Variants in HCN1 observed in about 807,000 individuals in gnomAD.
The protein encoded by HCN1 is hyperpolarization activated cyclic nucleotide gated potassium channel 1.
Under a neutral mutation model 78.9 loss-of-function variants are expected in HCN1, and 13 were observed. The ratio of observed to expected loss-of-function variants is 0.16; its 90% CI spans 0.11 to 0.26. HCN1 has a LOEUF of 0.26. Among genes scored for constraint, HCN1 ranks in the 10% least tolerant of loss-of-function variants. HCN1 has a pLI of 1.00. For missense variants in HCN1, 810 were observed against 1,154.3 expected, an observed-to-expected ratio of 0.70 and a Z score of 4.32; for synonymous variants, 552 against 455.5, an observed-to-expected ratio of 1.21 and a Z score of -2.70.
intron 2 of HCN1, among the ~76,000 whole-genome samples, chr5:45,471,012 A>G (rs775798640): frequency 1.1e-4 from 17 of 151,844 alleles, no homozygotes; most frequent in Non-Finnish European, 2.2e-4. Context: ...ATGTTTGACA[A>G]TATCTTTCTG....
At chr5:45,273,630 C>T (rs557649904) in intron 6 of HCN1, among the ~76,000 whole-genome samples, 1 of 152,230 alleles carries the variant, frequency 6.6e-6, no homozygotes, top group Admixed American at 6.5e-5. Context: ...CAAAACTGTA[C>T]TTAGCTTCTC....
intron 2 of HCN1, among the ~76,000 whole-genome samples, chr5:45,540,305 T>A (rs1384734): frequency 0.056 from 8,319 of 149,264 alleles, 300 homozygotes; most frequent in East Asian, 0.15. Flanking sequence ...AATAAAAAAA[T>A]ACTGTCTTAC....
intron 4 of HCN1, among the ~76,000 whole-genome samples, chr5:45,388,451 A>C (rs1747972192): frequency 6.6e-6 from 1 of 152,162 alleles, no homozygotes; most frequent in Non-Finnish European, 1.5e-5. Context: ...ACAGCTTCAA[A>C]CATGCAGACA....
intron 5 of HCN1, among the ~76,000 whole-genome samples, chr5:45,344,516 C>A (rs1487833981): frequency 6.6e-6 from 1 of 152,144 alleles, no homozygotes; most frequent in Non-Finnish European, 1.5e-5. Context: ...AACTCAAAAG[C>A]ACATTACTTA....
chr5:45,644,834 C>G (rs1263180305), intron 2 of HCN1: 4 of 282,434 alleles, frequency 1.4e-5, no homozygotes, highest in African/African-American at 8.8e-5. Flanking sequence ...CCCTACACAT[C>G]TTTATCAAAA....
chr5:45,444,454 T>G (rs1243898934), intron 3 of HCN1, among the ~76,000 whole-genome samples: 2 of 152,146 alleles, frequency 1.3e-5, no homozygotes, highest in Admixed American at 1.3e-4. Flanking sequence ...TTGTTTAGAA[T>G]CTTTATGTAG....
At chr5:45,433,068 C>G (rs1740495663) in intron 3 of HCN1, among the ~76,000 whole-genome samples, 1 of 152,042 alleles carries the variant, frequency 6.6e-6, no homozygotes, top group African/African-American at 2.4e-5. Context: ...CCGCAATTAC[C>G]TCCCACCAGG....
intron 2 of HCN1, among the ~76,000 whole-genome samples, chr5:45,493,704 C>G (rs1741949883): frequency 6.6e-6 from 1 of 151,600 alleles, no homozygotes; most frequent in Admixed American, 6.6e-5. Flanking sequence ...CACCCACTAA[C>G]TCGTCATCTA....
chr5:45,352,737 C>T (rs1292789292), intron 5 of HCN1, among the ~76,000 whole-genome samples: 1 of 151,588 alleles, frequency 6.6e-6, no homozygotes, highest in African/African-American at 2.4e-5. Context: ...TATCAGGGTC[C>T]ATGAGATGAT....
chr5:45,658,702 T>G (rs1745845512), intron 1 of HCN1, among the ~76,000 whole-genome samples: 1 of 151,664 alleles, frequency 6.6e-6, no homozygotes, highest in African/African-American at 2.4e-5. Context: ...GGGACGCACC[T>G]GGAAAATCGG....
intron 2 of HCN1, among the ~76,000 whole-genome samples, chr5:45,626,265 T>C (rs1174717613): frequency 1.3e-5 from 2 of 152,212 alleles, no homozygotes; most frequent in Non-Finnish European, 2.9e-5. Context: ...GCTTCTTTGT[T>C]GAAAATAATT....
At chr5:45,382,287 T>C (rs1164401142) in intron 4 of HCN1, among the ~76,000 whole-genome samples, 1 of 152,178 alleles carries the variant, frequency 6.6e-6, no homozygotes, top group Non-Finnish European at 1.5e-5. Flanking sequence ...TATGCCCTTG[T>C]ATGTTTTAGT....
chr5:45,483,389 T>A (rs972667154), intron 2 of HCN1, among the ~76,000 whole-genome samples: 1 of 152,080 alleles, frequency 6.6e-6, no homozygotes, highest in Non-Finnish European at 1.5e-5. Context: ...TGATGTTGAA[T>A]TTTTTTTCAT....
At position 45,695,761 on chromosome 5, in the gene HCN1, G is replaced by T. The variant is rs1246584538; in HGVS notation, c.333C>A (p.Leu111=). Residue 111 remains leucine (L), a synonymous_variant, in exon 1 of 8, where the codon CTC becomes CTA. Coordinates refer to ENST00000303230, the MANE Select transcript of HCN1 (RefSeq NM_021072.4). ...CCGCCTTCTGGCTCCCAAACATGCGGAGGGAGAATTTGTTGACCCCGGGCT... is the reference window on the plus strand; with the variant it reads ...CCGCCTTCTGGCTCCCAAACATGCGTAGGGAGAATTTGTTGACCCCGGGCT... The part of the protein sequence containing the change: ...MLQPGVNKFS[L]RMFGSQKAVE... The T allele has an allele frequency of 6.2e-7, 1 of 1,612,368 alleles. No homozygotes were observed. The highest frequency in any genetic ancestry group is 8.5e-7 in the Non-Finnish European group (1 of 1,179,702).
At position 45,258,915 on chromosome 5, in the gene HCN1, A is replaced by C. The variant is rs1434388686; in HGVS notation, c.*3006T>G. 6.6e-6 allele frequency: 1 copy of C among 152,080 alleles called. No individual in the cohort carries two copies. The highest frequency in any genetic ancestry group is 1.5e-5 in the Non-Finnish European group (1 of 67,946). 9.4% of individuals were successfully genotyped at this position (152,080 alleles called of 1,614,324 possible). A position where few individuals can be genotyped will look rare whatever the true frequency, so the allele number is the denominator to read the frequency against. On this transcript the variant is annotated 3_prime_UTR_variant, in exon 8 of 8. Coordinates refer to ENST00000303230, the MANE Select transcript of HCN1 (RefSeq NM_021072.4). ...CAGGACAATTATTTACCATTATTAC[A>C]GGAAAATTATTTCTCATCTGTATAT...
At chr5:45,312,371 A>G (rs571945743) in intron 5 of HCN1, among the ~76,000 whole-genome samples, 1 of 152,316 alleles carries the variant, frequency 6.6e-6, no homozygotes, top group South Asian at 2.1e-4. Flanking sequence ...TAGATATAAA[A>G]GTATTTGCTG....
intron 2 of HCN1, among the ~76,000 whole-genome samples, chr5:45,552,074 T>C (rs965561960): frequency 3.9e-5 from 6 of 151,906 alleles, no homozygotes; most frequent in African/African-American, 1.2e-4. Context: ...TTGAGAGAAA[T>C]TCATGAAGGA....
intron 2 of HCN1, among the ~76,000 whole-genome samples, chr5:45,473,536 C>T (rs1364169726): frequency 2.0e-5 from 3 of 151,550 alleles, no homozygotes; most frequent in Non-Finnish European, 3.0e-5. Flanking sequence ...TGATGCCTCA[C>T]CTATGTCTCT....
At chr5:45,565,550 C>A (rs1279756750) in intron 2 of HCN1, among the ~76,000 whole-genome samples, 1 of 151,998 alleles carries the variant, frequency 6.6e-6, no homozygotes, top group Middle Eastern at 3.2e-3. Flanking sequence ...ATGCCTGGCA[C>A]GGTGGCTTGC....
Sources: gnomAD v4.1 joint callset for allele counts (sites outside exome capture counted in the v4.1 genomes callset) on GRCh38, gnomAD v4.1.1 for gene constraint, MANE v1.5 for transcripts, NCBI Gene and HGNC (gene_info 2026-07-23, HGNC 2026-07-21) for gene names.